Variants in AOX1 observed in about 807,000 individuals in gnomAD.
AOX1 encodes the protein aldehyde oxidase 1.
In AOX1, 153 loss-of-function variants were observed where a neutral mutation model predicts 169.5. The ratio of observed to expected loss-of-function variants is 0.90; its 90% CI spans 0.79 to 1.03. The LOEUF is 1.03. AOX1 is among the 50% of genes least tolerant of loss of function. AOX1 has a pLI of 0.00. For synonymous variants in AOX1, 562 were observed against 581.9 expected, an observed-to-expected ratio of 0.97 and a Z score of 0.49; for missense variants, 1,656 against 1,663.9, an observed-to-expected ratio of 1.00 and a Z score of 0.08.
At chr2:200,647,838 C>T (rs561520432) in intron 25 of AOX1, among the ~76,000 whole-genome samples, 12 of 152,230 alleles carry the variant, frequency 7.9e-5, no homozygotes, top group South Asian at 6.2e-4. Context: ...ACCTTGTCTT[C>T]GAGCTCTGAA....
intron 16 of AOX1, among the ~76,000 whole-genome samples, chr2:200,617,916 T>C (rs1039653015): frequency 6.6e-6 from 1 of 152,118 alleles, no homozygotes; most frequent in African/African-American, 2.4e-5. Flanking sequence ...TAGAACCTCA[T>C]TGTTGGTTTT....
At chr2:200,664,727 G>A (rs12612264) in intron 31 of AOX1, among the ~76,000 whole-genome samples, 34,508 of 152,060 alleles carry the variant, frequency 0.23, 4,681 homozygotes, top group East Asian at 0.54. Flanking sequence ...CCAAAGGCCT[G>A]TTTCTCAGCC....
At position 200,662,904 on chromosome 2, in the gene AOX1, G is replaced by T. The variant is rs142723794; in HGVS notation, c.3478G>T (p.Glu1160Ter). Residue 1160 changes from glutamate to a stop codon, truncating the protein, a stop_gained, in exon 31 of 35, where the codon GAA becomes TAA. Transcript: ENST00000374700. LOFTEE classifies it high-confidence loss of function. ...NWEKGEGQPF[E>*]YFVYGAACSE... ...GGAGAAAGGCGAAGGCCAGCCCTTC[G>T]AATACTTTGTTTATGGAGCTGCCTG... is the stretch of plus-strand genomic sequence containing the variant. 6.2e-7 allele frequency: 1 copy of T among 1,614,020 alleles called. No homozygotes were observed. Among genetic ancestry groups the T allele is most frequent in the Non-Finnish European group, 8.5e-7 (1 of 1,179,928 alleles).
intron 21 of AOX1, among the ~76,000 whole-genome samples, chr2:200,635,408 A>G (rs2035209913): frequency 6.6e-6 from 1 of 152,194 alleles, no homozygotes; most frequent in African/African-American, 2.4e-5. Flanking sequence ...CAGTTAAGAA[A>G]CAATATTGAA....
chr2:200,661,528 A>G (rs763337001), intron 29 of AOX1, 51 bp from the exon 30 acceptor site: 1 of 1,448,556 alleles, frequency 6.9e-7, no homozygotes, highest in African/African-American at 1.4e-5. Context: ...GTCTTGAGTG[A>G]TTCTTTCTTT....
chr2:200,657,078 T>A (rs1472009016), intron 27 of AOX1, 141 bp downstream of exon 27: 5 of 424,660 alleles, frequency 1.2e-5, no homozygotes, highest in Non-Finnish European at 2.0e-5. Context: ...AATCCCAGCA[T>A]TTTGGGAGGC....
intron 12 of AOX1, among the ~76,000 whole-genome samples, chr2:200,610,832 C>T (rs2034621171): frequency 6.6e-6 from 1 of 152,094 alleles, no homozygotes; most frequent in Non-Finnish European, 1.5e-5. Context: ...ATCTTTTCAT[C>T]TATTTTTTAA....
chr2:200,613,891 G>A lies in AOX1; in HGVS notation c.1536G>A (p.Val512=), dbSNP rs972888313. 1.1e-5 allele frequency: 17 copies of A among 1,612,576 alleles called. No individual in the cohort carries two copies. The highest frequency in any genetic ancestry group is 1.4e-5 in the Non-Finnish European group (17 of 1,179,962). The change falls in exon 15 of 35, where the codon GTG becomes GTA. Residue 512 remains valine (V), a synonymous_variant. Transcript: ENST00000374700. ...TGGGCTCGGCGCCAGGTGGGAAAGT[G>A]GAGTTCAAGAGGACTCTCATCATCA... ...SLLGSAPGGK[V]EFKRTLIISF...
Position 200,613,806 on chromosome 2 carries a change from A to G in AOX1, c.1451A>G (p.His484Arg), listed in dbSNP as rs766378727. Residue 484 changes from histidine (H) to arginine (R), a missense_variant and splice_region_variant, in exon 15 of 35, where the codon CAC becomes CGC. His to Arg is a conservative substitution (Grantham distance 29). Coordinates refer to ENST00000374700, the MANE Select transcript of AOX1 (RefSeq NM_001159.4). ...KNSCQKLIGR[H>R]WNEQMLDIAC... ...AGTCTTCTCTTTGGACTTTCCAGGC[A>G]CTGGAACGAACAGATGCTGGATATA... The G allele has an allele frequency of 2.5e-6, 4 of 1,611,372 alleles. No homozygotes were observed. Among genetic ancestry groups the G allele is most frequent in the Non-Finnish European group, 2.5e-6 (3 of 1,179,354 alleles).
intron 3 of AOX1, among the ~76,000 whole-genome samples, chr2:200,595,954 G>A (rs561971459): frequency 2.0e-5 from 3 of 152,104 alleles, no homozygotes; most frequent in Admixed American, 6.6e-5. Context: ...TTTAACATCT[G>A]TTTATGTTTG....
intron 5 of AOX1, among the ~76,000 whole-genome samples, chr2:200,601,393 A>G (rs2034410870): frequency 1.3e-5 from 2 of 152,188 alleles, no homozygotes; most frequent in Admixed American, 6.5e-5. Context: ...GTATAGCATA[A>G]TGCTTATAGT....
At chr2:200,601,872 G>T (rs984393046) in intron 5 of AOX1, among the ~76,000 whole-genome samples, 1 of 152,052 alleles carries the variant, frequency 6.6e-6, no homozygotes, top group African/African-American at 2.4e-5. Flanking sequence ...GGTGGAAGTT[G>T]CAATGAGCTG....
intron 12 of AOX1, among the ~76,000 whole-genome samples, chr2:200,610,132 C>A (rs997553069): frequency 6.6e-6 from 1 of 150,704 alleles, no homozygotes; most frequent in Non-Finnish European, 1.5e-5. Context: ...AGTGCAGTGG[C>A]ACAATCTCAG....
At chr2:200,630,939 AC>A (rs1281268330) in intron 20 of AOX1, among the ~76,000 whole-genome samples, 1 of 152,186 alleles carries the variant, frequency 6.6e-6, no homozygotes, top group Non-Finnish European at 1.5e-5. Context: ...GCAGTAAACC[AC>A]CATGGCACAC....
chr2:200,650,169 G>A (rs13404701), intron 25 of AOX1, among the ~76,000 whole-genome samples: 23,447 of 152,196 alleles, frequency 0.15, 1,986 homozygotes, highest in Non-Finnish European at 0.19. Flanking sequence ...GCCACATTTG[G>A]TAGCACTAAG....
chr2:200,608,588 G>T (rs1033600772), intron 10 of AOX1, among the ~76,000 whole-genome samples: 1 of 152,136 alleles, frequency 6.6e-6, no homozygotes, highest in African/African-American at 2.4e-5. Flanking sequence ...GTGAAATGGG[G>T]CTATTAATAT....
chr2:200,664,712 C>T (rs1009878709), intron 31 of AOX1, among the ~76,000 whole-genome samples: 18 of 152,160 alleles, frequency 1.2e-4, no homozygotes, highest in African/African-American at 4.3e-4. Flanking sequence ...TACCAGGGGC[C>T]CTCCCCAAAG....
At chr2:200,592,998 A>G in intron 1 of AOX1, 148 bp from the exon 2 acceptor site, 1 of 643,986 alleles carries the variant, frequency 1.6e-6, no homozygotes, top group South Asian at 1.8e-5. Flanking sequence ...TGGTTTGCAT[A>G]TCACAGCTGT....
chr2:200,609,813 C>G (rs1393604247), intron 12 of AOX1, among the ~76,000 whole-genome samples: 1 of 152,172 alleles, frequency 6.6e-6, no homozygotes, highest in Admixed American at 6.5e-5. Context: ...CTTAATTTAT[C>G]ATTGATGGAA....
Sources: allele counts gnomAD v4.1 joint callset (sites outside exome capture counted in the v4.1 genomes callset), GRCh38; gene constraint gnomAD v4.1.1; transcripts MANE v1.5; gene names NCBI Gene and HGNC (gene_info 2026-07-23, HGNC 2026-07-21).